Variants in SLC25A18 observed in about 807,000 individuals in gnomAD.
SLC25A18 encodes solute carrier family 25 member 18.
SLC25A18 carries 24 observed loss-of-function variants against 31.1 expected under a neutral mutation model. The ratio of observed to expected loss-of-function variants is 0.77; its 90% confidence interval spans 0.56 to 1.08. The LOEUF (loss-of-function observed/expected upper bound fraction) is 1.08, where lower values mean the gene tolerates loss of function less well. Ranked by LOEUF, SLC25A18 falls within the 50% of genes least tolerant of loss-of-function variation. SLC25A18 has a pLI of 0.00. For synonymous variants in SLC25A18, 173 were observed against 161.9 expected (o/e 1.07, Z -0.52); for missense variants, 371 against 418.5 (o/e 0.89, Z 0.99).
At chr22:17,568,228 G>A (rs1319042184) in intron 1 of SLC25A18, among the ~76,000 whole-genome samples, 2 of 151,860 alleles carry the variant, frequency 1.3e-5, no homozygotes, top group East Asian at 2.0e-4. Flanking sequence ...TTAGCCGGGT[G>A]TGGTGGTGGG....
At chr22:17,565,696 C>T (rs1191259636) in intron 1 of SLC25A18, among the ~76,000 whole-genome samples, 4 of 151,946 alleles carry the variant, frequency 2.6e-5, no homozygotes, top group African/African-American at 9.7e-5. Flanking sequence ...GGAGAAACCC[C>T]GTCTCTACTA....
At position 17,590,564 on chromosome 22, in the gene SLC25A18, G is replaced by T. The variant is rs959366972; in HGVS notation, c.*328G>T. Reference sequence around the variant, plus strand: ...TAGTCACAATAGAAGGGTTGTTTCTGTATTTTAACATTTCTATTTCACAGT... The same window carrying T: ...TAGTCACAATAGAAGGGTTGTTTCTTTATTTTAACATTTCTATTTCACAGT... On this transcript the variant is annotated 3_prime_UTR_variant, in exon 11 of 11. Transcript: ENST00000327451. 22 of 226,538 alleles carry T rather than the reference G, an allele frequency of 9.7e-5. No individual in the cohort carries two copies. Among genetic ancestry groups the T allele is most frequent in the African/African-American group, 4.7e-4 (21 of 44,718 alleles). The allele number at this position is 226,538 out of a possible 1,614,324, so 14.0% of individuals were successfully genotyped here. A position where few individuals can be genotyped will look rare whatever the true frequency, so the allele number is the denominator to read the frequency against.
At chr22:17,580,649 C>G (rs1263141944) in intron 3 of SLC25A18, 2 of 1,010,652 alleles carry the variant, frequency 2.0e-6, no homozygotes, top group African/African-American at 3.4e-5. Flanking sequence ...AGGATGCAAA[C>G]TCAGTTCTGC....
At chr22:17,577,594 T>TG (rs2057262319) in intron 2 of SLC25A18, among the ~76,000 whole-genome samples, 1 of 148,002 alleles carries the variant, frequency 6.8e-6, no homozygotes. Context: ...TTTTTTTTTT[T>TG]TTTTGAGATG....
At position 17,590,126 on chromosome 22, in the gene SLC25A18, T is replaced by C; in HGVS notation, c.838T>C (p.Phe280Leu). 1 of 1,614,224 alleles carries C rather than the reference T, an allele frequency of 6.2e-7. No individual in the cohort carries two copies. Among genetic ancestry groups the C allele is most frequent in the Non-Finnish European group, 8.5e-7 (1 of 1,180,040 alleles). Residue 280 changes from phenylalanine (F) to leucine (L), a missense_variant, in exon 11 of 11, where the codon TTC becomes CTC. Phe to Leu is a conservative substitution (Grantham distance 22, BLOSUM62 0). Coordinates refer to ENST00000327451, the MANE Select transcript of SLC25A18 (RefSeq NM_031481.3). ...KLWIQEGPSA[F>L]MKGAGCRALV... ...CTGGATTCAGGAGGGACCATCTGCC[T>C]TCATGAAAGGCGCTGGCTGCCGGGC...
chr22:17,590,347 G>A lies in SLC25A18; in HGVS notation c.*111G>A, dbSNP rs555763688. On this transcript the variant is annotated 3_prime_UTR_variant, in exon 11 of 11. Coordinates refer to ENST00000327451, the MANE Select transcript of SLC25A18 (RefSeq NM_031481.3). ...CACTCTGGCCTGCCTGGTCCTCTGC[G>A]TTGTAGTGCTACCTCAATCTCGGGA... The A allele has an allele frequency of 2.5e-5, 33 of 1,308,962 alleles. No homozygotes were observed. Among genetic ancestry groups the A allele is most frequent in the Middle Eastern group, 2.4e-4 (1 of 4,192 alleles). The allele number at this position is 1,308,962 out of a possible 1,614,324, so 81.1% of individuals were successfully genotyped here. A position where few individuals can be genotyped will look rare whatever the true frequency, so the allele number is the denominator to read the frequency against.
At chr22:17,572,556 G>A (rs2146216745) in intron 2 of SLC25A18, among the ~76,000 whole-genome samples, 1 of 152,066 alleles carries the variant, frequency 6.6e-6, no homozygotes, top group South Asian at 2.1e-4. Flanking sequence ...CACTTTGAGT[G>A]GTTGAGGTGG....
Position 17,581,394 on chromosome 22 carries a change from C to T in SLC25A18, c.180C>T (p.Gly60=), listed in dbSNP as rs1156900560. The T allele has an allele frequency of 1.9e-6, 3 of 1,613,994 alleles. No individual in the cohort carries two copies. Among genetic ancestry groups the T allele is most frequent in the African/African-American group, 2.7e-5 (2 of 74,926 alleles). Residue 60 remains glycine, a synonymous_variant, in exon 5 of 11, where the codon GGC becomes GGT. Transcript: ENST00000327451. ...TGATGAAGACGGCTCGGGCGGAGGG[C>T]TTCTTCGGCATGTACCGAGGTGGGC... ...DCLMKTARAE[G]FFGMYRGAAV...
Position 17,589,630 on chromosome 22 carries a change from C to A in SLC25A18, c.771C>A (p.Gly257=). Residue 257 remains glycine (G), a synonymous_variant, in exon 10 of 11, where the codon GGC becomes GGA. Coordinates refer to ENST00000327451, the MANE Select transcript of SLC25A18 (RefSeq NM_031481.3). ...TCCAAACCCTCAAGAAAGGCCTGGG[C>A]GAGGACATGTACAGTGGGATCACCG... is the stretch of plus-strand genomic sequence containing the variant. The part of the protein sequence containing the change: ...TRIQTLKKGL[G]EDMYSGITDC... 6.2e-7 allele frequency: 1 copy of A among 1,614,044 alleles called. No homozygotes were observed. The highest frequency in any genetic ancestry group is 1.1e-5 in the South Asian group (1 of 91,080).
chr22:17,568,904 T>A (rs1398604941), intron 1 of SLC25A18, among the ~76,000 whole-genome samples: 1 of 151,942 alleles, frequency 6.6e-6, no homozygotes, highest in Non-Finnish European at 1.5e-5. Context: ...TGGTAGATAT[T>A]TAAGAATGTT....
At chr22:17,569,526 C>A in intron 1 of SLC25A18, 1 of 792,250 alleles carries the variant, frequency 1.3e-6, no homozygotes, top group Non-Finnish European at 1.5e-6. Context: ...CAGAGATTTG[C>A]TTCTGGCACC....
At chr22:17,580,673 C>T in intron 3 of SLC25A18, 4 of 1,030,590 alleles carry the variant, frequency 3.9e-6, no homozygotes, top group Non-Finnish European at 4.7e-6. Context: ...ACCTTCAGTC[C>T]GTTTGTGTGA....
rs928691093 is a variant in SLC25A18, at chr22:17,590,029, C to T, written c.807-66C>T. On this transcript the variant is annotated intron_variant, in intron 10 of 10. Coordinates refer to ENST00000327451, the MANE Select transcript of SLC25A18 (RefSeq NM_031481.3). Reference sequence around the variant, plus strand: ...AATGAGAGGTGCACAAATGGAGAGGCTGCCACTGAGGGCTGCTTGCAGAAT... The same window carrying T: ...AATGAGAGGTGCACAAATGGAGAGGTTGCCACTGAGGGCTGCTTGCAGAAT... The T allele has an allele frequency of 5.6e-6, 9 of 1,596,370 alleles. No individual in the cohort carries two copies. In the African/African-American group the frequency reaches 9.4e-5, roughly 17 times the overall value.
chr22:17,574,033 C>T (rs544604357), intron 2 of SLC25A18, among the ~76,000 whole-genome samples: 1 of 152,166 alleles, frequency 6.6e-6, no homozygotes. Flanking sequence ...AGTTCAAGAC[C>T]AGTCTGGGCA....
rs573564630 is a variant in SLC25A18, at chr22:17,565,554, G to GT, written c.-264+1848dup. ...GCGCCTGGCTAATTTTTTGTTTGGG[G>GT]TTTTTTTGAGTAATTTTTTAAAAAA... is the stretch of plus-strand genomic sequence containing the variant. On this transcript the variant is annotated intron_variant, in intron 1 of 10. Transcript: ENST00000327451. Among the ~76,000 whole-genome samples, 990 of 151,480 alleles carry GT rather than the reference G, an allele frequency of 6.5e-3. 9 individuals carry two copies. The highest frequency in any genetic ancestry group is 0.023 in the African/African-American group (940 of 41,336).
rs1601279642 is a variant in SLC25A18 at position 17,572,636 on chromosome 22, A to ATTTTTTTTTTTTTTTTTTTTTT, written c.-201+2650_-201+2651insTTTTTTTTTTTTTTTTTTTTTT. Reference sequence around the variant, plus strand: ...TGGCGAGACCCCATCTCTACAAATAAATTTTTTTTTTTTTTTTTTTTTTGA... The same window carrying ATTTTTTTTTTTTTTTTTTTTTT: ...TGGCGAGACCCCATCTCTACAAATAATTTTTTTTTTTTTTTTTTTTTTATTTTTTTTTTTTTTTTTTTTTTGA... On this transcript the variant is annotated intron_variant, in intron 2 of 10. Transcript: ENST00000327451. Among the ~76,000 whole-genome samples, 2 of 103,094 alleles carry ATTTTTTTTTTTTTTTTTTTTTT rather than the reference A, an allele frequency of 1.9e-5. 1 individual carries two copies. The allele number at this position is 103,094 out of a possible 152,430, so 67.6% of individuals were successfully genotyped here.
chr22:17,580,875 G>A, intron 3 of SLC25A18, 162 bp from the exon 4 acceptor site: 8 of 1,412,300 alleles, frequency 5.7e-6, no homozygotes, highest in Non-Finnish European at 7.4e-6. Context: ...CGGCTGTCCT[G>A]TCTGGACCAG....
At chr22:17,579,529 T>C (rs1302842798) in intron 2 of SLC25A18, among the ~76,000 whole-genome samples, 4 of 152,118 alleles carry the variant, frequency 2.6e-5, no homozygotes, top group African/African-American at 9.7e-5. Context: ...AGACATCCTT[T>C]CCTCCAGCCT....
chr22:17,576,223 G>C (rs1222840318), intron 2 of SLC25A18, among the ~76,000 whole-genome samples: 1 of 151,988 alleles, frequency 6.6e-6, no homozygotes, highest in African/African-American at 2.4e-5. Context: ...GTGGTGGTGT[G>C]AGCCTGTAGT....
Sources: gnomAD v4.1 joint callset for allele counts (sites outside exome capture counted in the v4.1 genomes callset) on GRCh38, gnomAD v4.1.1 for gene constraint, MANE v1.5 for transcripts, NCBI Gene and HGNC (gene_info 2026-07-23, HGNC 2026-07-21) for gene names.